Variants in NCOR2 observed in about 807,000 individuals in gnomAD.
NCOR2 encodes the protein CTG repeat protein 26.
In NCOR2, 81 loss-of-function variants were observed where a neutral mutation model predicts 262.9. The observed-to-expected ratio is 0.31, with a 90% CI of 0.26 to 0.37. The LOEUF is 0.37. Ranked by LOEUF, NCOR2 falls within the 10% of genes least tolerant of loss-of-function variation. The pLI is 1.00. For synonymous variants in NCOR2, 1,659 were observed against 1,559.3 expected (o/e 1.06, Z -1.51); for missense variants, 3,385 against 3,621.4 (o/e 0.93, Z 1.68).
intron 5 of NCOR2, among the ~76,000 whole-genome samples, chr12:124,463,315 C>T (rs1273649927): frequency 6.6e-6 from 1 of 152,248 alleles, no homozygotes; most frequent in Non-Finnish European, 1.5e-5. Context: ...CCCTAACGCC[C>T]TCCTTCCGGC....
intron 18 of NCOR2, among the ~76,000 whole-genome samples, chr12:124,376,673 G>A (rs1173289764): frequency 3.3e-5 from 5 of 152,224 alleles, no homozygotes; most frequent in South Asian, 4.1e-4. Flanking sequence ...AGCGGGAAGC[G>A]GGGATTCGGG....
At chr12:124,458,620 T>G (rs1206834742) in intron 5 of NCOR2, among the ~76,000 whole-genome samples, 1 of 152,234 alleles carries the variant, frequency 6.6e-6, no homozygotes, top group Non-Finnish European at 1.5e-5. Flanking sequence ...TCTTAACATG[T>G]CAATTGCGCA....
At chr12:124,529,009 G>A (rs544819026) in intron 1 of NCOR2, among the ~76,000 whole-genome samples, 2 of 151,988 alleles carry the variant, frequency 1.3e-5, no homozygotes, top group Non-Finnish European at 2.9e-5. Context: ...GAGAAACCCC[G>A]TCTCTACTAA....
At chr12:124,502,925 G>A (rs952652435) in intron 1 of NCOR2, among the ~76,000 whole-genome samples, 10 of 152,190 alleles carry the variant, frequency 6.6e-5, no homozygotes, top group Admixed American at 3.9e-4. Context: ...CATGCACAGC[G>A]GCAGGCCTGC....
intron 1 of NCOR2, among the ~76,000 whole-genome samples, chr12:124,564,020 G>C (rs1218394292): frequency 6.6e-6 from 1 of 152,204 alleles, no homozygotes; most frequent in Non-Finnish European, 1.5e-5. Flanking sequence ...TATAAAATAA[G>C]ATAATAAAAG....
chr12:124,395,628 G>A (rs767170966), intron 16 of NCOR2, among the ~76,000 whole-genome samples: 4 of 152,282 alleles, frequency 2.6e-5, no homozygotes, highest in Non-Finnish European at 5.9e-5. Flanking sequence ...CCCAGCCTCC[G>A]GATCTGCCCT....
At chr12:124,506,600 C>T (rs1467002013) in intron 1 of NCOR2, among the ~76,000 whole-genome samples, 4 of 151,986 alleles carry the variant, frequency 2.6e-5, no homozygotes, top group African/African-American at 7.2e-5. Flanking sequence ...GCACGGGGAG[C>T]GGCCCTCCCC....
chr12:124,340,740 G>C, exon 35 of NCOR2: 1 of 1,543,048 alleles, frequency 6.5e-7, no homozygotes, highest in Non-Finnish European at 8.6e-7. Flanking sequence ...ACTTGGGACA[G>C]GTCGATGATG....
chr12:124,420,020 A>T (rs761696764), exon 13 of NCOR2: 2 of 1,613,588 alleles, frequency 1.2e-6, no homozygotes, highest in African/African-American at 1.3e-5. Flanking sequence ...CATTCTTCTT[A>T]GTCAGGTAGT....
At chr12:124,452,955 G>A (rs997025461) in intron 6 of NCOR2, among the ~76,000 whole-genome samples, 1 of 152,126 alleles carries the variant, frequency 6.6e-6, no homozygotes, top group Non-Finnish European at 1.5e-5. Context: ...GCCACTCCCC[G>A]AGGCCCCTGA....
rs202047482 is a variant in NCOR2, at chr12:124,402,433, C to T, written c.1611G>A (p.Glu537=). Residue 537 remains glutamate, a synonymous_variant, in exon 14 of 47, where the codon GAG becomes GAA. Coordinates refer to ENST00000405201, the Ensembl canonical transcript of NCOR2. ...GGAGGTCTTCCTTGTCGTTCTCCAC[C>T]TCCGGCTTCTCCTCCTCCTTCTCCG... is the stretch of plus-strand genomic sequence containing the variant. 834 of 1,614,136 alleles carry T rather than the reference C, an allele frequency of 5.2e-4. 1 individual carries two copies. The Middle Eastern group carries it at 6.9e-3, about 13-fold the overall frequency.
intron 1 of NCOR2, among the ~76,000 whole-genome samples, chr12:124,557,123 G>C (rs1254396048): frequency 6.6e-6 from 1 of 152,184 alleles, no homozygotes; most frequent in Non-Finnish European, 1.5e-5. Context: ...TCCTGCCCTG[G>C]GTTTTCCTGC....
At chr12:124,502,116 C>G (rs1307761328) in intron 1 of NCOR2, among the ~76,000 whole-genome samples, 1 of 152,218 alleles carries the variant, frequency 6.6e-6, no homozygotes, top group Admixed American at 6.5e-5. Flanking sequence ...GCTCAGGAAT[C>G]CAGCTCTGGA....
intron 8 of NCOR2, among the ~76,000 whole-genome samples, chr12:124,431,906 A>G (rs969225018): frequency 2.0e-5 from 3 of 151,868 alleles, no homozygotes; most frequent in Non-Finnish European, 4.4e-5. Flanking sequence ...CAGGCACATA[A>G]GTCACACAGC....
chr12:124,402,636 G>A, intron 13 of NCOR2, 75 bp from the exon 16 acceptor site: 3 of 1,536,754 alleles, frequency 2.0e-6, no homozygotes, highest in Non-Finnish European at 2.6e-6. Flanking sequence ...TCTGCACCTG[G>A]GCTCAGCCTG....
intron 31 of NCOR2, 54 bp downstream of exon 33, chr12:124,346,510 A>AGCCACC: frequency 6.9e-7 from 1 of 1,441,006 alleles, no homozygotes; most frequent in Non-Finnish European, 9.1e-7. Context: ...AGTGCCCCAC[A>AGCCACC]GCCACCGCCA....
chr12:124,374,643 G>C (rs1593270063), intron 18 of NCOR2, among the ~76,000 whole-genome samples, 180 bp from the exon 21 acceptor site: 1 of 152,264 alleles, frequency 6.6e-6, no homozygotes, highest in South Asian at 2.1e-4. Flanking sequence ...CTCCCTCTGG[G>C]CTCTGGCCAG....
In NCOR2 at chr12:124,443,846, A is replaced by G. The variant is rs1292011052; in HGVS notation, c.816-5850T>C. Among the ~76,000 whole-genome samples the G allele has an allele frequency of 1.3e-5, 2 of 152,284 alleles. No homozygotes were observed. The highest frequency in any genetic ancestry group is 2.1e-4 in the South Asian group (1 of 4,826). On this transcript the variant is annotated intron_variant, in intron 7 of 46. Transcript: ENST00000405201. This position sits in a 1 kb window ranked among gnomAD's most constrained non-coding sequence, Gnocchi z 4.4. ...ATTCATTGCCAGCACTGAAAACCAG[A>G]GGCTGTTACACAAAAAGCCAAACCT... is the stretch of plus-strand genomic sequence containing the variant.
intron 20 of NCOR2, among the ~76,000 whole-genome samples, chr12:124,371,243 G>A (rs2039485560): frequency 8.7e-6 from 1 of 114,724 alleles, no homozygotes; most frequent in Non-Finnish European, 1.7e-5. Flanking sequence ...CCCCCTCCCT[G>A]AGCCACCCTT....
Sources: allele counts gnomAD v4.1 joint callset (sites outside exome capture counted in the v4.1 genomes callset), GRCh38; gene constraint gnomAD v4.1.1; non-coding constraint Gnocchi (gnomAD v3.1); transcripts MANE v1.5; gene names NCBI Gene and HGNC (gene_info 2026-07-23, HGNC 2026-07-21).